The following TTC39C variants were observed in gnomAD, a reference collection of about 807,000 sequenced individuals.
TTC39C encodes tetratricopeptide repeat domain 39C, also known as tetratricopeptide repeat protein 39C.
TTC39C carries 33 observed loss-of-function variants against 76.3 expected under a neutral mutation model. The ratio of observed to expected loss-of-function variants is 0.43; its 90% CI spans 0.33 to 0.58. The LOEUF (loss-of-function observed/expected upper bound fraction) is 0.58. Ranked by LOEUF, TTC39C falls within the 20% of genes least tolerant of loss-of-function variation. The probability of loss-of-function intolerance (pLI) is 0.04; values close to 1 mark genes in which losing one functional copy is unlikely to be tolerated. For synonymous variants in TTC39C, 254 were observed against 260.6 expected (o/e 0.97, Z 0.24); for missense variants, 595 against 701.4 (o/e 0.85, Z 1.71).
intron 8 of TTC39C, among the ~76,000 whole-genome samples, chr18:24,122,517 A>AAG (rs1285297608): frequency 4.0e-5 from 6 of 151,056 alleles, no homozygotes; most frequent in African/African-American, 1.5e-4. Context: ...AAAAAAAAAA[A>AAG]AAAGAAGAGG....
intron 6 of TTC39C, among the ~76,000 whole-genome samples, chr18:24,094,252 A>G (rs2084562276): frequency 6.6e-6 from 1 of 152,184 alleles, no homozygotes; most frequent in Non-Finnish European, 1.5e-5. Context: ...AGTCAGTCCC[A>G]TCTTCAGGCT....
At chr18:24,123,964 C>T (rs990472080) in intron 9 of TTC39C, 21 bp downstream of exon 9, 3 of 1,559,738 alleles carry the variant, frequency 1.9e-6, no homozygotes, top group Non-Finnish European at 2.6e-6. Context: ...GCCTATTGAT[C>T]TGGTGTATTA....
intron 1 of TTC39C, among the ~76,000 whole-genome samples, chr18:24,006,772 A>T (rs1232914479): frequency 6.6e-6 from 1 of 152,232 alleles, no homozygotes; most frequent in African/African-American, 2.4e-5. Context: ...GTGTTAAATC[A>T]GTCCAGGAAT....
rs965280344 is a variant in TTC39C, at chr18:24,072,788, G to T, written c.460+3517G>T. Among the ~76,000 whole-genome samples, 6 of 152,258 alleles carry T rather than the reference G, an allele frequency of 3.9e-5. No homozygotes were observed. The South Asian group carries it at 8.3e-4, about 21-fold the overall frequency. ...TTTTAAAACATATTTTATGGCACTT[G>T]CCACCTTGTTTGATTATAAATTTCC... On this transcript the variant is annotated intron_variant, in intron 4 of 13. Coordinates refer to ENST00000317571, the MANE Select transcript of TTC39C (RefSeq NM_001135993.2).
upstream of TTC39C, among the ~76,000 whole-genome samples, chr18:24,011,120 T>C (rs887039198): frequency 6.6e-6 from 1 of 152,194 alleles, no homozygotes; most frequent in African/African-American, 2.4e-5. Context: ...TGTTTGTTGA[T>C]TGTCGCTCTC....
intron 1 of TTC39C, among the ~76,000 whole-genome samples, chr18:24,002,182 G>A (rs905474211): frequency 5.3e-5 from 8 of 152,118 alleles, no homozygotes; most frequent in African/African-American, 1.9e-4. Flanking sequence ...GCCAATCAGA[G>A]TATCCTATCC....
intron 6 of TTC39C, 109 bp downstream of exon 6, chr18:24,083,190 G>A (rs572881570): frequency 1.7e-6 from 2 of 1,175,584 alleles, no homozygotes; most frequent in Non-Finnish European, 2.3e-6. Context: ...GGGCCCCGGA[G>A]CATTTTGTTC....
At chr18:24,105,490 G>GCACA (rs373972712) in intron 6 of TTC39C, among the ~76,000 whole-genome samples, 5 of 151,866 alleles carry the variant, frequency 3.3e-5, no homozygotes, top group Admixed American at 6.6e-5. Flanking sequence ...ATACATATGT[G>GCACA]CACACACACA....
intron 2 of TTC39C, 39 bp from the exon 3 acceptor site, chr18:24,065,973 A>G: frequency 6.6e-7 from 1 of 1,507,606 alleles, no homozygotes; most frequent in South Asian, 1.3e-5. Context: ...ATTTTCAGAT[A>G]CTAATTCATT....
At chr18:24,013,215 T>C (rs913767094), upstream of TTC39C, among the ~76,000 whole-genome samples, 1 of 152,240 alleles carries the variant, frequency 6.6e-6, no homozygotes, top group African/African-American at 2.4e-5. Flanking sequence ...TACAACGTAC[T>C]GTTTCCCAAG....
intron 1 of TTC39C, among the ~76,000 whole-genome samples, chr18:24,004,595 T>C (rs190046342): frequency 1.3e-5 from 2 of 152,332 alleles, no homozygotes; most frequent in African/African-American, 2.4e-5. Context: ...GATGTATACA[T>C]TGCTGCTACA....
At chr18:24,083,462 A>AT (rs1666685273) in intron 6 of TTC39C, among the ~76,000 whole-genome samples, 1 of 152,244 alleles carries the variant, frequency 6.6e-6, no homozygotes, top group Non-Finnish European at 1.5e-5. Context: ...CAATTGACTT[A>AT]TACAAAAGTT....
At chr18:24,091,718 A>G (rs980865455) in intron 6 of TTC39C, among the ~76,000 whole-genome samples, 2 of 152,238 alleles carry the variant, frequency 1.3e-5, no homozygotes, top group African/African-American at 2.4e-5. Flanking sequence ...TGCAAGTTAT[A>G]TATCTGATAC....
At chr18:24,107,056 C>T (rs1356379123) in intron 6 of TTC39C, among the ~76,000 whole-genome samples, 1 of 152,142 alleles carries the variant, frequency 6.6e-6, no homozygotes, top group Non-Finnish European at 1.5e-5. Flanking sequence ...CGTTTCTATT[C>T]TTTTCGCAAC....
intron 4 of TTC39C, among the ~76,000 whole-genome samples, chr18:24,072,639 A>C (rs570360137): frequency 1.7e-3 from 259 of 152,290 alleles, no homozygotes; most frequent in African/African-American, 5.8e-3. Flanking sequence ...ATCTCATTTA[A>C]ACTTCCTTAT....
intron 6 of TTC39C, among the ~76,000 whole-genome samples, chr18:24,095,427 A>G (rs2084576727): frequency 2.0e-5 from 3 of 152,246 alleles, no homozygotes; most frequent in Admixed American, 2.0e-4. Context: ...AGCTGGGCGC[A>G]GTGGTTCATG....
intron 6 of TTC39C, chr18:24,113,556 G>C (rs915668513): frequency 1.4e-6 from 1 of 702,146 alleles, no homozygotes; most frequent in African/African-American, 1.7e-5. Flanking sequence ...CTCCCTGCAA[G>C]TGTAGGGCAG....
chr18:24,056,825 TTGTAGAACATA>T (rs1039697210), intron 1 of TTC39C, among the ~76,000 whole-genome samples: 1 of 152,126 alleles, frequency 6.6e-6, no homozygotes, highest in African/African-American at 2.4e-5. Flanking sequence ...ACCTTATCTT[TTGTAGAACATA>T]TGTATGTTTG....
chr18:24,074,254 G>T lies in TTC39C; in HGVS notation c.460+4983G>T, dbSNP rs964951538. On this transcript the variant is annotated intron_variant, in intron 4 of 13. Transcript: ENST00000317571. ...CTGAGGAGGTTTATAAAGCATGAAG[G>T]TCCGTTTCCTTCTCTGTGTCCTTAG... Among the ~76,000 whole-genome samples the T allele has an allele frequency of 1.1e-4, 17 of 152,314 alleles. No individual in the cohort carries two copies. In the East Asian group the frequency reaches 2.5e-3, roughly 22 times the overall value.
Sources: allele counts gnomAD v4.1 joint callset (sites outside exome capture counted in the v4.1 genomes callset), GRCh38; gene constraint gnomAD v4.1.1; transcripts MANE v1.5; gene names NCBI Gene and HGNC (gene_info 2026-07-23, HGNC 2026-07-21).